KCNH7: variants seen among roughly 807,000 people sequenced by gnomAD.
The protein encoded by KCNH7 is potassium voltage-gated channel subfamily H member 7, also known as voltage-gated inwardly rectifying potassium channel KCNH7.
In KCNH7, 49 loss-of-function variants were observed where a neutral mutation model predicts 120.8. That is an observed-to-expected ratio of 0.41 (90% CI 0.32 to 0.51). KCNH7 has a LOEUF of 0.51. KCNH7 is among the 20% of genes least tolerant of loss of function. The pLI, the probability that KCNH7 is intolerant of heterozygous loss-of-function variation, is 0.38. For missense variants in KCNH7, 1,097 were observed against 1,446.6 expected, an observed-to-expected ratio of 0.76 and a Z score of 3.92; for synonymous variants, 547 against 516.1, an observed-to-expected ratio of 1.06 and a Z score of -0.81.
Position 162,738,367 on chromosome 2 carries a change from A to G in KCNH7, c.307+98170T>C, listed in dbSNP as rs186774511. On this transcript the variant is annotated intron_variant, in intron 2 of 15. Transcript: ENST00000332142. The stretch of plus-strand genomic sequence containing the variant: ...TTGACTACCAAGAAGTCTCTGCCAG[A>G]GTTCTTCAGCACAGAGGAGCATAGC... 1.6e-4 allele frequency among the ~76,000 whole-genome samples: 24 copies of G among 152,258 alleles called. No individual in the cohort carries two copies. In the East Asian group the frequency reaches 3.5e-3, roughly 22 times the overall value.
chr2:162,557,455 C>T (rs1402844126), intron 2 of KCNH7, among the ~76,000 whole-genome samples: 1 of 152,162 alleles, frequency 6.6e-6, no homozygotes, highest in Non-Finnish European at 1.5e-5. Flanking sequence ...AGGGTCCACT[C>T]ATATTCAAGG....
chr2:162,511,499 A>G (rs943058277), intron 5 of KCNH7, among the ~76,000 whole-genome samples: 2 of 150,470 alleles, frequency 1.3e-5, no homozygotes, highest in Non-Finnish European at 3.0e-5. Context: ...AAAAAAAAAA[A>G]AAGAACAATG....
At chr2:162,552,614 T>A (rs920066067) in intron 2 of KCNH7, among the ~76,000 whole-genome samples, 4 of 152,220 alleles carry the variant, frequency 2.6e-5, no homozygotes, top group African/African-American at 9.6e-5. Context: ...AAAGGGAGAT[T>A]ATCCAGGTGT....
intron 2 of KCNH7, among the ~76,000 whole-genome samples, chr2:162,691,899 A>G (rs1267080675): frequency 6.6e-6 from 1 of 152,180 alleles, no homozygotes; most frequent in East Asian, 1.9e-4. Context: ...TGAGAAAGAC[A>G]TCAAACATCA....
intron 2 of KCNH7, among the ~76,000 whole-genome samples, chr2:162,726,311 T>G (rs967651878): frequency 6.6e-5 from 10 of 152,222 alleles, no homozygotes; most frequent in Admixed American, 2.6e-4. Context: ...TACTTGCCAA[T>G]TTTAAAAAGA....
chr2:162,664,051 AC>A (rs930125855), intron 2 of KCNH7, among the ~76,000 whole-genome samples: 1 of 152,010 alleles, frequency 6.6e-6, no homozygotes, highest in Non-Finnish European at 1.5e-5. Context: ...CAAATTCTCC[AC>A]ATTGGTTCCT....
intron 7 of KCNH7, among the ~76,000 whole-genome samples, chr2:162,436,388 C>T (rs1405472945): frequency 1.3e-5 from 2 of 151,992 alleles, no homozygotes; most frequent in African/African-American, 2.4e-5. Flanking sequence ...CTTGATGTCC[C>T]AGTGATATTA....
chr2:162,722,745 G>A (rs890608788), intron 2 of KCNH7, among the ~76,000 whole-genome samples: 15 of 148,222 alleles, frequency 1.0e-4, no homozygotes, highest in African/African-American at 3.8e-4. Context: ...GTGTATATTG[G>A]CCCATTGATT....
At chr2:162,664,831 A>AT (rs1685081370) in intron 2 of KCNH7, among the ~76,000 whole-genome samples, 1 of 152,146 alleles carries the variant, frequency 6.6e-6, no homozygotes, top group African/African-American at 2.4e-5. Flanking sequence ...AACAGAAAAG[A>AT]TTCAGCATTA....
intron 2 of KCNH7, among the ~76,000 whole-genome samples, chr2:162,780,879 C>G (rs376446631): frequency 6.6e-6 from 1 of 152,058 alleles, no homozygotes; most frequent in Non-Finnish European, 1.5e-5. Flanking sequence ...AAGGTTGGAA[C>G]AGCTGTCACA....
At chr2:162,835,956 A>C (rs1685649729) in intron 2 of KCNH7, among the ~76,000 whole-genome samples, 1 of 152,144 alleles carries the variant, frequency 6.6e-6, no homozygotes. Flanking sequence ...ACAAATCTTG[A>C]CTACATAAAC....
chr2:162,798,471 A>G (rs915657636), intron 2 of KCNH7, among the ~76,000 whole-genome samples: 2 of 152,104 alleles, frequency 1.3e-5, no homozygotes, highest in Non-Finnish European at 2.9e-5. Context: ...CATTTTCTAC[A>G]TATTAGGTGA....
chr2:162,556,995 T>C (rs910499139), intron 2 of KCNH7, among the ~76,000 whole-genome samples: 3 of 152,128 alleles, frequency 2.0e-5, no homozygotes, highest in Non-Finnish European at 2.9e-5. Context: ...TGGTTGTCTG[T>C]TGCTGTGTAA....
At chr2:162,482,834 G>T (rs1317117480) in intron 6 of KCNH7, among the ~76,000 whole-genome samples, 2 of 152,156 alleles carry the variant, frequency 1.3e-5, no homozygotes, top group East Asian at 3.9e-4. Context: ...CCAAAAAAAA[G>T]TTTCATATAA....
At chr2:162,683,405 T>A (rs771674437) in intron 2 of KCNH7, among the ~76,000 whole-genome samples, 1 of 151,890 alleles carries the variant, frequency 6.6e-6, no homozygotes, top group Non-Finnish European at 1.5e-5. Flanking sequence ...AGTATTTTAG[T>A]GATGAAAATA....
At chr2:162,792,688 A>G (rs1486829259) in intron 2 of KCNH7, among the ~76,000 whole-genome samples, 1 of 132,870 alleles carries the variant, frequency 7.5e-6, no homozygotes, top group Non-Finnish European at 1.6e-5. Context: ...TTTCTTCTTT[A>G]TTAGTCTAAC....
At chr2:162,781,097 G>A (rs1683465537) in intron 2 of KCNH7, among the ~76,000 whole-genome samples, 1 of 151,878 alleles carries the variant, frequency 6.6e-6, no homozygotes, top group Admixed American at 6.6e-5. Flanking sequence ...TTATATTTCT[G>A]AGGAAACTGA....
intron 2 of KCNH7, among the ~76,000 whole-genome samples, chr2:162,737,360 G>T (rs1687950138): frequency 6.6e-6 from 1 of 152,062 alleles, no homozygotes; most frequent in Admixed American, 6.6e-5. Context: ...AGGCCAGAAG[G>T]AGCCTTGTGT....
intron 2 of KCNH7, among the ~76,000 whole-genome samples, chr2:162,665,904 A>G (rs1173617635): frequency 6.6e-6 from 1 of 152,208 alleles, no homozygotes; most frequent in African/African-American, 2.4e-5. Flanking sequence ...GCTTCAAAGC[A>G]TTCACAAATG....
Sources: allele counts gnomAD v4.1 joint callset (sites outside exome capture counted in the v4.1 genomes callset), GRCh38; gene constraint gnomAD v4.1.1; transcripts MANE v1.5; gene names NCBI Gene and HGNC (gene_info 2026-07-23, HGNC 2026-07-21).